SLC17A5: variants seen among roughly 807,000 people sequenced by gnomAD.
SLC17A5 encodes the protein sialin.
In SLC17A5, 47 loss-of-function variants were observed where a neutral mutation model predicts 59.4. The observed-to-expected ratio is 0.79, with a 90% CI of 0.63 to 1.01. The LOEUF is 1.01. SLC17A5 is among the 50% of genes least tolerant of loss of function. The pLI, the probability that SLC17A5 is intolerant of heterozygous loss-of-function variation, is 0.00. For missense variants in SLC17A5, 522 were observed against 595.5 expected (o/e 0.88, Z 1.28); for synonymous variants, 202 against 210.7 (o/e 0.96, Z 0.36).
intron 7 of SLC17A5, among the ~76,000 whole-genome samples, chr6:73,620,201 G>T (rs1180100910): frequency 1.3e-5 from 2 of 152,128 alleles, no homozygotes; most frequent in Non-Finnish European, 2.9e-5. Context: ...GGTATTACAG[G>T]TGTGAACCAC....
chr6:73,637,195 G>C (rs1011797479), intron 4 of SLC17A5, among the ~76,000 whole-genome samples: 1 of 152,166 alleles, frequency 6.6e-6, no homozygotes, highest in African/African-American at 2.4e-5. Context: ...GAGTAGGCTT[G>C]GGAACTTCAT....
rs571968520 is a variant in SLC17A5, at chr6:73,621,521, C to T, written c.978+283G>A. On this transcript the variant is annotated intron_variant, in intron 7 of 10. Coordinates refer to ENST00000355773, the MANE Select transcript of SLC17A5 (RefSeq NM_012434.5). ...TGTATTCGTATTCAAGTCCTTTGCC[C>T]ATTTTAAAAACTGAGTTGTCTTTTT... Among the ~76,000 whole-genome samples, 194 of 152,276 alleles carry T rather than the reference C, an allele frequency of 1.3e-3. 1 individual carries two copies. Among genetic ancestry groups the T allele is most frequent in the African/African-American group, 4.6e-3 (191 of 41,572 alleles).
intron 1 of SLC17A5, chr6:73,653,519 C>T: frequency 1.0e-6 from 1 of 970,720 alleles, no homozygotes; most frequent in Non-Finnish European, 1.2e-6. Flanking sequence ...CGCCCCCGCC[C>T]CCGCCCCCGC....
At chr6:73,638,055 T>C (rs535930149) in intron 4 of SLC17A5, among the ~76,000 whole-genome samples, 1 of 152,158 alleles carries the variant, frequency 6.6e-6, no homozygotes, top group Admixed American at 6.5e-5. Flanking sequence ...ACTGGCCTTT[T>C]TTTTTCTTTT....
In SLC17A5 at chr6:73,644,435, G is replaced by C; in HGVS notation, c.263C>G (p.Ala88Gly). The C allele has an allele frequency of 6.2e-7, 1 of 1,613,852 alleles. No homozygotes were observed. Among genetic ancestry groups the C allele is most frequent in the Non-Finnish European group, 8.5e-7 (1 of 1,179,880 alleles). The change falls in exon 2 of 11, where the codon GCT (alanine) becomes GGT (glycine). Residue 88 changes from alanine (A) to glycine (G), a missense_variant. Around this residue, in one of 3 missense-constraint regions of SLC17A5, gnomAD observed 338 missense variants for 363.8 expected, o/e 0.93. Coordinates refer to ENST00000355773, the MANE Select transcript of SLC17A5 (RefSeq NM_012434.5). ...RTSKACPEHS[A>G]PIKVHHNQTG... ...TTGATTATGATGAACTTTTATGGGAGCAGAATGCTCTGGACACGCCTTGGA... is the reference window on the plus strand; with the variant it reads ...TTGATTATGATGAACTTTTATGGGACCAGAATGCTCTGGACACGCCTTGGA...
chr6:73,604,664 G>A (rs1394378841), intron 9 of SLC17A5, among the ~76,000 whole-genome samples: 1 of 151,864 alleles, frequency 6.6e-6, no homozygotes, highest in Non-Finnish European at 1.5e-5. Flanking sequence ...CTGAGGTGGA[G>A]GATTGCAGGA....
intron 6 of SLC17A5, among the ~76,000 whole-genome samples, chr6:73,625,774 C>G (rs584571): frequency 0.16 from 24,840 of 152,048 alleles, 3,127 homozygotes; most frequent in African/African-American, 0.35. Flanking sequence ...CCCAGGGGAG[C>G]CTTAAAAACA....
At chr6:73,642,385 T>C (rs1769327953) in intron 2 of SLC17A5, among the ~76,000 whole-genome samples, 1 of 152,110 alleles carries the variant, frequency 6.6e-6, no homozygotes, top group Non-Finnish European at 1.5e-5. Flanking sequence ...GGAACCAGGC[T>C]TGGTTTTAAT....
rs1769017037 is a variant in SLC17A5 at position 73,636,638 on chromosome 6, T to A, written c.683A>T (p.Tyr228Phe). The A allele has an allele frequency of 1.2e-6, 2 of 1,600,664 alleles. No individual in the cohort carries two copies. Among genetic ancestry groups the A allele is most frequent in the African/African-American group, 2.7e-5 (2 of 74,654 alleles). Residue 228 changes from tyrosine to phenylalanine, a missense_variant, in exon 5 of 11, where the codon TAT (tyrosine) becomes TTT (phenylalanine). Transcript: ENST00000355773. ...AAACTTACCAAAAAAGTAGAAGACATAAGTCCAATTCATATAGTAGCAAAT... is the reference window on the plus strand; with the variant it reads ...AAACTTACCAAAAAAGTAGAAGACAAAAGTCCAATTCATATAGTAGCAAAT... ...GIICYYMNWT[Y>F]VFYFFGTIGI...
chr6:73,596,623 G>A (rs1372521978), intron 10 of SLC17A5, among the ~76,000 whole-genome samples: 4 of 152,030 alleles, frequency 2.6e-5, no homozygotes, highest in East Asian at 1.9e-4. Context: ...TTGGGAGGCC[G>A]AGGCGGGCGG....
intron 6 of SLC17A5, among the ~76,000 whole-genome samples, chr6:73,630,876 G>A (rs369380123): frequency 3.3e-4 from 50 of 149,352 alleles, no homozygotes; most frequent in African/African-American, 1.3e-3. Context: ...GAGAAACCCC[G>A]TTTCTACTAA....
chr6:73,643,972 A>C (rs1164687472), intron 2 of SLC17A5, among the ~76,000 whole-genome samples: 1 of 152,192 alleles, frequency 6.6e-6, no homozygotes, highest in African/African-American at 2.4e-5. Flanking sequence ...TCAGAAAAGA[A>C]TGTCCTAAGA....
chr6:73,627,125 G>A (rs914436564), intron 6 of SLC17A5, among the ~76,000 whole-genome samples: 1 of 151,502 alleles, frequency 6.6e-6, no homozygotes, highest in Non-Finnish European at 1.5e-5. Flanking sequence ...TCGCCAGGCT[G>A]GAGTGCAGTG....
chr6:73,651,544 A>T (rs1359162169), intron 1 of SLC17A5, among the ~76,000 whole-genome samples: 3 of 146,998 alleles, frequency 2.0e-5, no homozygotes, highest in African/African-American at 5.0e-5. Flanking sequence ...TTATTATTTT[A>T]TTATTATTAT....
At chr6:73,620,946 G>A (rs1013504528) in intron 7 of SLC17A5, among the ~76,000 whole-genome samples, 5 of 151,394 alleles carry the variant, frequency 3.3e-5, no homozygotes, top group Admixed American at 1.3e-4. Context: ...CTGTATTATC[G>A]AACTCCTGGG....
rs1769994527 is a variant in SLC17A5, at chr6:73,653,915, A to C, written c.-29T>G. ...GCCTACGTGAGCAGGTGTACTCGCC[A>C]CCTGGCAGAGAAGGGAGCGCCGGCC... On this transcript the variant is annotated 5_prime_UTR_variant, in exon 1 of 11. Transcript: ENST00000355773. The C allele has an allele frequency of 7.6e-6, 12 of 1,573,100 alleles. No homozygotes were observed. The highest frequency in any genetic ancestry group is 1.2e-5 in the South Asian group (1 of 86,860).
chr6:73,624,334 G>A (rs944200356), intron 6 of SLC17A5, among the ~76,000 whole-genome samples: 5 of 152,166 alleles, frequency 3.3e-5, no homozygotes, highest in African/African-American at 1.2e-4. Context: ...AACCCGGGAG[G>A]TGGAGGTTGC....
intron 6 of SLC17A5, among the ~76,000 whole-genome samples, chr6:73,629,991 T>C (rs1323947596): frequency 6.9e-6 from 1 of 144,496 alleles, no homozygotes; most frequent in Non-Finnish European, 1.5e-5. Flanking sequence ...GATTTTTATT[T>C]CTCTATTTTT....
chr6:73,597,375 G>A (rs1163586965), intron 10 of SLC17A5, among the ~76,000 whole-genome samples: 1 of 152,042 alleles, frequency 6.6e-6, no homozygotes, highest in Non-Finnish European at 1.5e-5. Flanking sequence ...GCTGAGGCAG[G>A]AGAATGGCGT....
Sources: allele counts gnomAD v4.1 joint callset (sites outside exome capture counted in the v4.1 genomes callset), GRCh38; gene constraint gnomAD v4.1.1; regional missense constraint gnomAD v4.1.1; transcripts MANE v1.5; gene names NCBI Gene and HGNC (gene_info 2026-07-23, HGNC 2026-07-21).